Variants in KLHL5 observed in about 807,000 individuals in gnomAD.
The protein encoded by KLHL5 is kelch like family member 5, also known as kelch-like protein 5.
In KLHL5, 48 loss-of-function variants were observed where a neutral mutation model predicts 77.7. That is an observed-to-expected ratio of 0.62 (90% confidence interval 0.49 to 0.79). The LOEUF (loss-of-function observed/expected upper bound fraction) is 0.79, where lower values mean the gene tolerates loss of function less well. Ranked by LOEUF, KLHL5 falls within the 30% of genes least tolerant of loss-of-function variation. The pLI, the probability that KLHL5 is intolerant of heterozygous loss-of-function variation, is 0.00. For synonymous variants in KLHL5, 260 were observed against 297.0 expected (o/e 0.88, Z 1.28); for missense variants, 723 against 859.7 (o/e 0.84, Z 1.99).
chr4:39,116,472 G>A (rs7685082), intron 10 of KLHL5: 79,789 of 151,972 alleles, frequency 0.53, 21,550 homozygotes, highest in Non-Finnish European at 0.59. Flanking sequence ...TGGTACAGGC[G>A]CCAAGTGATA....
intron 2 of KLHL5, among the ~76,000 whole-genome samples, chr4:39,077,072 T>C (rs1338796399): frequency 7.2e-6 from 1 of 139,326 alleles, no homozygotes; most frequent in Non-Finnish European, 1.5e-5. Context: ...CTCAAATAAA[T>C]CAGAAAAAAA....
Position 39,062,790 on chromosome 4 carries a change from A to G in KLHL5, c.138A>G (p.Gly46=). The change falls in exon 1 of 11, where the codon GGA becomes GGG. Residue 46 remains glycine (G), a synonymous_variant. Transcript: ENST00000504108. ...AATTTTGGAACCGAGGACAGACTGG[A>G]GCAAACGGTGGGAGAAAGTTTTTAG... The part of the protein sequence containing the change: ...QGEFWNRGQT[G]ANGGRKFLDP... 1 of 1,614,166 alleles carries G rather than the reference A, an allele frequency of 6.2e-7. No homozygotes were observed. Among genetic ancestry groups the G allele is most frequent in the Non-Finnish European group, 8.5e-7 (1 of 1,180,012 alleles).
chr4:39,050,926 TC>T (rs1716592249), intron 1 of KLHL5, among the ~76,000 whole-genome samples: 1 of 152,234 alleles, frequency 6.6e-6, no homozygotes, highest in South Asian at 2.1e-4. Context: ...CTTTCATCCA[TC>T]CCTTCTTCCT....
upstream of KLHL5, among the ~76,000 whole-genome samples, chr4:39,060,272 G>A (rs187764524): frequency 1.5e-3 from 221 of 152,278 alleles, no homozygotes; most frequent in African/African-American, 5.1e-3. Context: ...GGAGAGAGGT[G>A]TGAAAGGCTA....
intron 1 of KLHL5, among the ~76,000 whole-genome samples, chr4:39,067,463 A>G (rs1717990839): frequency 6.6e-6 from 1 of 151,946 alleles, no homozygotes; most frequent in Non-Finnish European, 1.5e-5. Context: ...ACTCAAATTA[A>G]GTTGTAGATT....
intron 1 of KLHL5, among the ~76,000 whole-genome samples, chr4:39,046,273 C>T (rs1364348154): frequency 6.6e-6 from 1 of 151,850 alleles, no homozygotes; most frequent in Non-Finnish European, 1.5e-5. Context: ...CCATGTAGTA[C>T]CATAGGATAA....
At chr4:39,114,862 C>T (rs1290028609) in intron 9 of KLHL5, among the ~76,000 whole-genome samples, 4 of 152,162 alleles carry the variant, frequency 2.6e-5, no homozygotes, top group African/African-American at 9.7e-5. Flanking sequence ...TCATCTTACA[C>T]AGAGCTTAAT....
At position 39,096,710 on chromosome 4, in the gene KLHL5, A is replaced by C; in HGVS notation, c.1132A>C (p.Asn378His). The change falls in exon 6 of 11, where the codon AAT becomes CAT. Residue 378 changes from asparagine to histidine, a missense_variant. Around this residue, in one of 3 missense-constraint regions of KLHL5, gnomAD observed 288 missense variants for 400.3 expected, o/e 0.72. Coordinates refer to ENST00000504108, the MANE Select transcript of KLHL5 (RefSeq NM_015990.5). ...LAPQFLADMENNVLFRDDIEC... is the reference protein window; with the variant it reads ...LAPQFLADMEHNVLFRDDIEC... ...TTTCTAGTTCCTGGCAGACATGGAA[A>C]ATAATGTACTTTTTCGGGATGATAT... 1.2e-6 allele frequency: 2 copies of C among 1,612,174 alleles called. No homozygotes were observed. The highest frequency in any genetic ancestry group is 2.2e-5 in the South Asian group (2 of 91,024).
chr4:39,050,306 A>C (rs1716540330), intron 1 of KLHL5, among the ~76,000 whole-genome samples: 1 of 152,232 alleles, frequency 6.6e-6, no homozygotes, highest in Non-Finnish European at 1.5e-5. Context: ...TGTTACTTAA[A>C]TTAGCATAAG....
At chr4:39,056,529 G>A (rs1025444106) in intron 1 of KLHL5, among the ~76,000 whole-genome samples, 1 of 152,132 alleles carries the variant, frequency 6.6e-6, no homozygotes, top group Non-Finnish European at 1.5e-5. Flanking sequence ...CAAACTATAA[G>A]TTTTTTTAAT....
At chr4:39,074,501 T>A (rs2109343622) in intron 1 of KLHL5, among the ~76,000 whole-genome samples, 1 of 152,356 alleles carries the variant, frequency 6.6e-6, no homozygotes, top group East Asian at 1.9e-4. Context: ...TAAGGTGAAC[T>A]GTGTGATGTA....
chr4:39,049,717 T>A (rs961866977), intron 1 of KLHL5, among the ~76,000 whole-genome samples: 3 of 149,060 alleles, frequency 2.0e-5, no homozygotes, highest in Non-Finnish European at 4.5e-5. Context: ...AAATAAAAAA[T>A]AAATAAATAA....
chr4:39,083,196 T>C (rs1719769692), intron 4 of KLHL5, among the ~76,000 whole-genome samples: 1 of 152,160 alleles, frequency 6.6e-6, no homozygotes, highest in Non-Finnish European at 1.5e-5. Context: ...ATTGTAAGAA[T>C]AGGTATTTAC....
Position 39,081,186 on chromosome 4 carries a change from T to C in KLHL5, c.650T>C (p.Met217Thr). ...GAGGCAAGACAAGAAGAAATAAAAA[T>C]GGAAGGTGTAGAACCAAATTCGTTG... ...VREARQEEIKMEGVEPNSLWS... is the reference protein window; with the variant it reads ...VREARQEEIKTEGVEPNSLWS... The change falls in exon 3 of 11, where the codon ATG (methionine) becomes ACG (threonine). Residue 217 changes from methionine to threonine, a missense_variant. By Grantham distance (81) the Met-to-Thr change is moderately conservative. Around this residue, in one of 3 missense-constraint regions of KLHL5, gnomAD observed 288 missense variants for 400.3 expected, o/e 0.72. Coordinates refer to ENST00000504108, the MANE Select transcript of KLHL5 (RefSeq NM_015990.5). This position sits in a 1 kb window ranked among gnomAD's most constrained non-coding sequence, Gnocchi z 4.3. 4 of 1,613,088 alleles carry C rather than the reference T, an allele frequency of 2.5e-6. No individual in the cohort carries two copies. The highest frequency in any genetic ancestry group is 3.4e-6 in the Non-Finnish European group (4 of 1,179,544).
At chr4:39,097,304 A>G (rs1317696714) in intron 6 of KLHL5, among the ~76,000 whole-genome samples, 1 of 152,252 alleles carries the variant, frequency 6.6e-6, no homozygotes, top group East Asian at 1.9e-4. Flanking sequence ...GTAACCACCA[A>G]TAACCAATTC....
intron 1 of KLHL5, among the ~76,000 whole-genome samples, chr4:39,046,670 T>C (rs753591301): frequency 9.9e-5 from 15 of 152,212 alleles, no homozygotes; most frequent in Non-Finnish European, 1.9e-4. Flanking sequence ...CAAGGCGTTT[T>C]CCAGTAATGA....
At chr4:39,099,042 GGA>G (rs2109487439) in intron 6 of KLHL5, among the ~76,000 whole-genome samples, 1 of 152,212 alleles carries the variant, frequency 6.6e-6, no homozygotes, top group East Asian at 1.9e-4. Context: ...CTGCACTTTG[GGA>G]GGCCAAGGCG....
At chr4:39,069,718 A>C (rs2109321710) in intron 1 of KLHL5, among the ~76,000 whole-genome samples, 1 of 152,088 alleles carries the variant, frequency 6.6e-6, no homozygotes, top group South Asian at 2.1e-4. Context: ...TTTTAAAATA[A>C]AAATCTCAAT....
chr4:39,115,481 A>G lies in KLHL5; in HGVS notation c.2073+151A>G, dbSNP rs1468216780. On this transcript the variant is annotated intron_variant, in intron 10 of 10. Coordinates refer to ENST00000504108, the MANE Select transcript of KLHL5 (RefSeq NM_015990.5). ...TGATTAGCGATGAGAAAAAGAGGCA[A>G]TGTTTAATTTTATAACATAATTAAA... The G allele has an allele frequency of 4.0e-6, 6 of 1,508,052 alleles. No homozygotes were observed. The East Asian group carries it at 7.4e-5, about 19-fold the overall frequency. 93.4% of individuals were successfully genotyped at this position (1,508,052 alleles called of 1,614,324 possible). A position where few individuals can be genotyped will look rare whatever the true frequency, so the allele number is the denominator to read the frequency against.
Sources: gnomAD v4.1 joint callset for allele counts (sites outside exome capture counted in the v4.1 genomes callset) on GRCh38, gnomAD v4.1.1 for gene constraint, gnomAD v4.1.1 regional missense constraint, Gnocchi (gnomAD v3.1) non-coding constraint, MANE v1.5 for transcripts, NCBI Gene and HGNC (gene_info 2026-07-23, HGNC 2026-07-21) for gene names.